Variants in LGSN observed in about 807,000 individuals in gnomAD.
LGSN encodes lengsin.
Under a neutral mutation model 19.5 loss-of-function variants are expected in LGSN, and 21 were observed. The ratio of observed to expected loss-of-function variants is 1.07; its 90% CI spans 0.76 to 1.55. LGSN has a LOEUF of 1.55. Among genes scored for constraint, LGSN ranks in the 40% most tolerant of loss-of-function variants. The pLI is 0.00. For missense variants in LGSN, 673 were observed against 608.5 expected (o/e 1.11, Z -1.12); for synonymous variants, 257 against 215.6 (o/e 1.19, Z -1.68).
the LGSN span, among the ~76,000 whole-genome samples, chr6:63,418,214 G>C: frequency 6.6e-6 from 1 of 152,178 alleles, no homozygotes; most frequent in South Asian, 2.1e-4. Flanking sequence ...TTATGTAGTA[G>C]ACACTTTTTC....
At chr6:63,505,725 T>C in the LGSN span, among the ~76,000 whole-genome samples, 1 of 152,178 alleles carries the variant, frequency 6.6e-6, no homozygotes. Flanking sequence ...AATGGCACAG[T>C]CTCGGCTCAC....
chr6:63,449,857 A>G, the LGSN span, among the ~76,000 whole-genome samples: 34 of 152,316 alleles, frequency 2.2e-4, 2 homozygotes, highest in South Asian at 7.0e-3. Flanking sequence ...GTAAGCCACT[A>G]TGTGGCTTAG....
At chr6:63,299,832 CT>C (rs970216620) in intron 1 of LGSN, among the ~76,000 whole-genome samples, 7 of 151,974 alleles carry the variant, frequency 4.6e-5, no homozygotes, top group Non-Finnish European at 5.9e-5. Flanking sequence ...ATAATTCAGA[CT>C]TTTTTTTCTG....
chr6:63,292,596 A>G (rs1312079734), intron 2 of LGSN, among the ~76,000 whole-genome samples: 2 of 152,192 alleles, frequency 1.3e-5, no homozygotes, highest in Non-Finnish European at 2.9e-5. Context: ...CCAGTTAACC[A>G]TGAAGCCCCA....
intron 2 of LGSN, chr6:63,293,581 A>G (rs1446487103): frequency 1.5e-5 from 5 of 338,418 alleles, no homozygotes; most frequent in Non-Finnish European, 3.0e-5. Flanking sequence ...CCAACATTAC[A>G]TTCTCTCTAA....
the LGSN span, among the ~76,000 whole-genome samples, chr6:63,490,887 T>C: frequency 2.0e-5 from 3 of 151,898 alleles, no homozygotes; most frequent in East Asian, 1.9e-4. Flanking sequence ...AGTTCAAGTA[T>C]GAAAAAGTGC....
chr6:63,412,336 T>A, the LGSN span, among the ~76,000 whole-genome samples: 3 of 145,468 alleles, frequency 2.1e-5, no homozygotes, highest in Admixed American at 2.2e-4. Flanking sequence ...CACTGCACTC[T>A]GGCCTGGGCA....
chr6:63,406,021 A>G, the LGSN span, among the ~76,000 whole-genome samples: 1 of 152,232 alleles, frequency 6.6e-6, no homozygotes, highest in Non-Finnish European at 1.5e-5. Flanking sequence ...ACCCAGATTC[A>G]TAAAGCAAGT....
At chr6:63,527,413 A>G in the LGSN span, among the ~76,000 whole-genome samples, 3 of 152,166 alleles carry the variant, frequency 2.0e-5, no homozygotes, top group African/African-American at 7.2e-5. Flanking sequence ...TAAGGACCTA[A>G]CAAATAGTCA....
the LGSN span, among the ~76,000 whole-genome samples, chr6:63,535,176 C>G: frequency 2.0e-5 from 3 of 151,926 alleles, no homozygotes; most frequent in Non-Finnish European, 2.9e-5. Flanking sequence ...ATTAAAAACA[C>G]AGTAATAGGA....
At chr6:63,414,029 T>C in the LGSN span, among the ~76,000 whole-genome samples, 2 of 152,176 alleles carry the variant, frequency 1.3e-5, no homozygotes, top group African/African-American at 4.8e-5. Context: ...AGGGGGCCAG[T>C]CGAGAAGAGT....
the LGSN span, among the ~76,000 whole-genome samples, chr6:63,517,144 CTATTA>C: frequency 6.6e-6 from 1 of 152,034 alleles, no homozygotes; most frequent in Non-Finnish European, 1.5e-5. Flanking sequence ...CTTATTATTA[CTATTA>C]TATTATTATT....
chr6:63,568,546 A>G, the LGSN span, among the ~76,000 whole-genome samples: 1 of 152,224 alleles, frequency 6.6e-6, no homozygotes, highest in Admixed American at 6.5e-5. Context: ...AGTTTGAAAT[A>G]TTGGGAGAAT....
chr6:63,505,633 G>GAAAGAAAGAAAGAAATAAATAAATAAAT, the LGSN span, among the ~76,000 whole-genome samples: 3 of 97,200 alleles, frequency 3.1e-5, 1 homozygote, highest in African/African-American at 1.2e-4. Context: ...AAGAAAGAAA[G>GAAAGAAAGAAAGAAATAAATAAATAAAT]AAATTCTGGC....
At chr6:63,349,657 G>A in the LGSN span, among the ~76,000 whole-genome samples, 14 of 152,222 alleles carry the variant, frequency 9.2e-5, no homozygotes, top group African/African-American at 2.9e-4. Context: ...ACATGGCAAA[G>A]AATGCAGATG....
the LGSN span, among the ~76,000 whole-genome samples, chr6:63,572,977 C>T: frequency 1.3e-5 from 2 of 152,108 alleles, no homozygotes; most frequent in Admixed American, 6.5e-5. Flanking sequence ...TTGAGTCCCT[C>T]CCGAGCCCGG....
chr6:63,473,172 A>G, the LGSN span, among the ~76,000 whole-genome samples: 1 of 151,804 alleles, frequency 6.6e-6, no homozygotes, highest in South Asian at 2.1e-4. Context: ...AGATAGCTTC[A>G]TTAAAAAATC....
chr6:63,338,149 G>A, the LGSN span, among the ~76,000 whole-genome samples: 3 of 152,114 alleles, frequency 2.0e-5, no homozygotes, highest in African/African-American at 7.2e-5. Flanking sequence ...GTCTCCCAAA[G>A]TTCTGGGATT....
the LGSN span, among the ~76,000 whole-genome samples, chr6:63,569,549 C>T: frequency 2.0e-5 from 3 of 152,208 alleles, no homozygotes; most frequent in African/African-American, 7.2e-5. Context: ...CAGGCATGAG[C>T]CTGTATGCCA....
Sources: allele counts gnomAD v4.1 joint callset (sites outside exome capture counted in the v4.1 genomes callset), GRCh38; gene constraint gnomAD v4.1.1; transcripts MANE v1.5; gene names NCBI Gene and HGNC (gene_info 2026-07-23, HGNC 2026-07-21).